Variants in ZMPSTE24 observed in about 807,000 individuals in gnomAD.
ZMPSTE24 encodes the protein CAAX prenyl protease 1 homolog.
Under a neutral mutation model 56.7 loss-of-function variants are expected in ZMPSTE24, and 48 were observed. That is an observed-to-expected ratio of 0.85 (90% CI 0.67 to 1.08). The LOEUF (loss-of-function observed/expected upper bound fraction) is 1.08. Ranked by LOEUF, ZMPSTE24 falls within the 50% of genes least tolerant of loss-of-function variation. The pLI is 0.00. For synonymous variants in ZMPSTE24, 172 were observed against 195.2 expected (o/e 0.88, Z 0.99); for missense variants, 503 against 548.7 (o/e 0.92, Z 0.83).
chr1:40,263,097 G>C (rs1643514910), intron 2 of ZMPSTE24: 1 of 616,256 alleles, frequency 1.6e-6, no homozygotes, highest in Admixed American at 6.3e-5. Context: ...GGTTGTCCCT[G>C]GTAAATAGTG....
At chr1:40,259,204 T>A (rs1284333130) in intron 1 of ZMPSTE24, 1 of 152,180 alleles carries the variant, frequency 6.6e-6, no homozygotes. Context: ...TTTCTCGTTT[T>A]TCATAAAATC....
intron 2 of ZMPSTE24, 140 bp downstream of exon 2, chr1:40,261,125 C>CAAAAAAAAAAA: frequency 9.7e-7 from 1 of 1,031,510 alleles, no homozygotes. Context: ...GGCTGTGGAG[C>CAAAAAAAAAAA]AAAAAAGACA....
In ZMPSTE24 at chr1:40,292,485, A is replaced by G; in HGVS notation, c.1244A>G (p.Glu415Gly). The change falls in exon 10 of 10, where the codon GAG (glutamate) becomes GGG (glycine). Residue 415 changes from glutamate to glycine, a missense_variant. Glu to Gly is a moderately conservative substitution (Grantham distance 98). Transcript: ENST00000372759. ...CTAACAGTCCTAAGCCGCAGATTTG[A>G]GTTTCAAGCTGATGCATTTGCCAAG... ...FCLTVLSRRF[E>G]FQADAFAKKL... 6.2e-7 allele frequency: 1 copy of G among 1,614,108 alleles called. No homozygotes were observed.
intron 6 of ZMPSTE24, among the ~76,000 whole-genome samples, chr1:40,279,405 A>G (rs959300821): frequency 6.6e-6 from 1 of 152,222 alleles, no homozygotes; most frequent in Non-Finnish European, 1.5e-5. Flanking sequence ...GCTCAAACAC[A>G]TCTTTATTAA....
At position 40,293,693 on chromosome 1, in the gene ZMPSTE24, A is replaced by G. The variant is rs1156821240; in HGVS notation, c.*1024A>G. ...TGTAAGTCATAAATATTACTTAATC[A>G]GGCCTGATTCTACTTTTGAAAATTA... On this transcript the variant is annotated 3_prime_UTR_variant, in exon 10 of 10. Coordinates refer to ENST00000372759, the MANE Select transcript of ZMPSTE24 (RefSeq NM_005857.5). The G allele has an allele frequency of 6.6e-6, 1 of 152,242 alleles. No individual in the cohort carries two copies. Among genetic ancestry groups the G allele is most frequent in the Non-Finnish European group, 1.5e-5 (1 of 68,038 alleles). 9.4% of individuals were successfully genotyped at this position (152,242 alleles called of 1,614,324 possible).
chr1:40,280,668 C>T (rs1241962050), intron 6 of ZMPSTE24, among the ~76,000 whole-genome samples: 7 of 152,106 alleles, frequency 4.6e-5, no homozygotes, highest in Non-Finnish European at 7.4e-5. Flanking sequence ...TCAAGTGATC[C>T]GCCTGCCTCA....
At chr1:40,258,862 CAAAA>C in intron 1 of ZMPSTE24, among the ~76,000 whole-genome samples, 1 of 152,068 alleles carries the variant, frequency 6.6e-6, no homozygotes, top group East Asian at 1.9e-4. Flanking sequence ...AACAAACAAA[CAAAA>C]AACTTATCGG....
intron 6 of ZMPSTE24, 47 bp downstream of exon 6, chr1:40,272,082 T>C: frequency 2.6e-6 from 4 of 1,519,860 alleles, no homozygotes; most frequent in Non-Finnish European, 3.5e-6. Flanking sequence ...TGGTTTGTTT[T>C]ATTTGATACT....
At chr1:40,273,994 A>G (rs1392816000) in intron 6 of ZMPSTE24, among the ~76,000 whole-genome samples, 2 of 152,028 alleles carry the variant, frequency 1.3e-5, no homozygotes, top group East Asian at 3.9e-4. Flanking sequence ...GAAGGTTATG[A>G]CCTGAGCTGG....
chr1:40,262,752 T>C, intron 2 of ZMPSTE24: 1 of 1,032,254 alleles, frequency 9.7e-7, no homozygotes, highest in Non-Finnish European at 1.2e-6. Flanking sequence ...GTAAGTGTAT[T>C]TGCCTCTTCT....
At chr1:40,284,102 ATT>A (rs10600489) in intron 7 of ZMPSTE24, among the ~76,000 whole-genome samples, 1,717 of 116,892 alleles carry the variant, frequency 0.015, 31 homozygotes, top group African/African-American at 0.047. Context: ...TGCCCAGCTA[ATT>A]TTTTTTTTTT....
intron 6 of ZMPSTE24, 37 bp from the exon 7 acceptor site, chr1:40,281,306 T>G (rs768679168): frequency 6.2e-7 from 1 of 1,611,114 alleles, no homozygotes; most frequent in South Asian, 1.1e-5. Flanking sequence ...CCAAACTTTT[T>G]AATTATATTC....
At chr1:40,285,821 T>C (rs1326223675) in intron 7 of ZMPSTE24, 104 bp from the exon 8 acceptor site, 2 of 938,694 alleles carry the variant, frequency 2.1e-6, no homozygotes, top group Non-Finnish European at 3.2e-6. Flanking sequence ...TGAACAAAAC[T>C]GATTATTTCT....
intron 2 of ZMPSTE24, among the ~76,000 whole-genome samples, chr1:40,267,028 A>G (rs1012840944): frequency 2.0e-5 from 3 of 152,032 alleles, no homozygotes; most frequent in African/African-American, 7.2e-5. Flanking sequence ...TTGGCCTCCC[A>G]AAGTGCTGGG....
At chr1:40,273,018 A>G (rs999720984) in intron 6 of ZMPSTE24, among the ~76,000 whole-genome samples, 3 of 152,228 alleles carry the variant, frequency 2.0e-5, no homozygotes, top group Non-Finnish European at 2.9e-5. Context: ...CTGTGTTCCA[A>G]TAAAACTTTA....
intron 6 of ZMPSTE24, among the ~76,000 whole-genome samples, chr1:40,278,514 C>T (rs1377794173): frequency 3.1e-5 from 4 of 129,476 alleles, no homozygotes; most frequent in Admixed American, 8.7e-5. Context: ...GCCGAGATCG[C>T]GCCACTGCAC....
intron 8 of ZMPSTE24, among the ~76,000 whole-genome samples, chr1:40,288,732 C>T (rs1368521879): frequency 6.6e-5 from 10 of 152,204 alleles, no homozygotes; most frequent in Non-Finnish European, 7.3e-5. Context: ...TGTAGTCAAA[C>T]TCTATAGTCC....
At chr1:40,280,866 G>A (rs1569649765) in intron 6 of ZMPSTE24, among the ~76,000 whole-genome samples, 1 of 152,334 alleles carries the variant, frequency 6.6e-6, no homozygotes, top group Middle Eastern at 3.4e-3. Context: ...ATTTAAGAAT[G>A]TATTCCAATA....
chr1:40,268,300 G>A, intron 3 of ZMPSTE24, 119 bp from the exon 4 acceptor site: 1 of 771,764 alleles, frequency 1.3e-6, no homozygotes, highest in Non-Finnish European at 2.3e-6. Flanking sequence ...CAGACCTTAT[G>A]TTATCCATAG....
Sources: gnomAD v4.1 joint callset for allele counts (sites outside exome capture counted in the v4.1 genomes callset) on GRCh38, gnomAD v4.1.1 for gene constraint, MANE v1.5 for transcripts, NCBI Gene and HGNC (gene_info 2026-07-23, HGNC 2026-07-21) for gene names.